Variants in PRR5L observed in about 807,000 individuals in gnomAD.
PRR5L encodes the protein proline-rich protein 5-like.
Under a neutral mutation model 36.4 loss-of-function variants are expected in PRR5L, and 21 were observed. That is an observed-to-expected ratio of 0.58 (90% CI 0.41 to 0.83). PRR5L has a LOEUF of 0.83. PRR5L is among the 40% of genes least tolerant of loss of function. The pLI is 0.00. For missense variants in PRR5L, 381 were observed against 473.3 expected, an observed-to-expected ratio of 0.80 and a Z score of 1.81; for synonymous variants, 188 against 197.0, an observed-to-expected ratio of 0.95 and a Z score of 0.38.
intron 1 of PRR5L, among the ~76,000 whole-genome samples, chr11:36,345,228 C>T (rs564130491): frequency 6.6e-5 from 10 of 152,110 alleles, no homozygotes; most frequent in African/African-American, 2.2e-4. Context: ...GAAGGGGGCA[C>T]GTGACTGCCA....
chr11:36,307,325 G>C (rs1234875236), intron 1 of PRR5L, among the ~76,000 whole-genome samples: 1 of 152,152 alleles, frequency 6.6e-6, no homozygotes, highest in Non-Finnish European at 1.5e-5. Flanking sequence ...TTACTCAAAG[G>C]CAGACTGCTA....
intron 1 of PRR5L, among the ~76,000 whole-genome samples, chr11:36,297,898 A>C (rs1456113389): frequency 2.0e-5 from 3 of 152,150 alleles, no homozygotes; most frequent in Non-Finnish European, 4.4e-5. Flanking sequence ...GGCAGGGGGA[A>C]GGGGAAAAGA....
At chr11:36,451,501 C>T (rs1456841762) in intron 8 of PRR5L, among the ~76,000 whole-genome samples, 166 bp downstream of exon 8, 3 of 152,240 alleles carry the variant, frequency 2.0e-5, no homozygotes, top group African/African-American at 4.8e-5. Flanking sequence ...TAAGCACTCA[C>T]ATTCCTGGCC....
At chr11:36,340,459 A>C (rs892694639) in intron 1 of PRR5L, among the ~76,000 whole-genome samples, 2 of 152,230 alleles carry the variant, frequency 1.3e-5, no homozygotes, top group African/African-American at 2.4e-5. Flanking sequence ...GCGCATGCAT[A>C]TAACACTATG....
chr11:36,393,771 T>G (rs1032236619), intron 1 of PRR5L: 3 of 152,256 alleles, frequency 2.0e-5, no homozygotes, highest in African/African-American at 7.2e-5. Context: ...TTAGATAGTA[T>G]GGACATTTTA....
intron 1 of PRR5L, among the ~76,000 whole-genome samples, chr11:36,322,804 A>G (rs1463523976): frequency 6.6e-6 from 1 of 152,158 alleles, no homozygotes; most frequent in Non-Finnish European, 1.5e-5. Flanking sequence ...TATGAATGTG[A>G]CCTTATTTGG....
chr11:36,327,646 A>T (rs1475018038), intron 1 of PRR5L, among the ~76,000 whole-genome samples: 2 of 152,192 alleles, frequency 1.3e-5, no homozygotes, highest in South Asian at 4.1e-4. Context: ...AATAGAAATC[A>T]CTGGTCATCT....
intron 3 of PRR5L, among the ~76,000 whole-genome samples, chr11:36,405,859 G>T (rs1365302677): frequency 2.0e-5 from 3 of 152,116 alleles, no homozygotes; most frequent in Admixed American, 2.0e-4. Context: ...GTACTTGATG[G>T]GGAGAGAGAG....
chr11:36,350,294 A>AGT (rs574950893), intron 1 of PRR5L, among the ~76,000 whole-genome samples: 1 of 138,402 alleles, frequency 7.2e-6, no homozygotes, highest in African/African-American at 2.7e-5. Context: ...TGAATGTGAG[A>AGT]GTGTGTGTGG....
intron 1 of PRR5L, among the ~76,000 whole-genome samples, chr11:36,397,164 T>C (rs1857679962): frequency 6.7e-6 from 1 of 149,460 alleles, no homozygotes; most frequent in Admixed American, 6.8e-5. Flanking sequence ...GCCTCCTGGG[T>C]TCAAGCGATT....
At chr11:36,350,954 A>ATATATTTATGTATATTTATATATT (rs1323895906) in intron 1 of PRR5L, among the ~76,000 whole-genome samples, 8 of 13,994 alleles carry the variant, frequency 5.7e-4, no homozygotes, top group African/African-American at 1.7e-3. Context: ...ATATATATTT[A>ATATATTTATGTATATTTATATATT]TATATATTTA....
At chr11:36,373,115 A>C (rs1383927098) in intron 1 of PRR5L, among the ~76,000 whole-genome samples, 1 of 152,042 alleles carries the variant, frequency 6.6e-6, no homozygotes, top group East Asian at 1.9e-4. Context: ...GCCCACCCTT[A>C]GTCTTAAAGG....
chr11:36,361,820 T>C (rs924584153), intron 1 of PRR5L, among the ~76,000 whole-genome samples: 1 of 152,186 alleles, frequency 6.6e-6, no homozygotes, highest in Non-Finnish European at 1.5e-5. Context: ...GGTTCTAGGT[T>C]ATATCTAACT....
intron 8 of PRR5L, among the ~76,000 whole-genome samples, chr11:36,457,335 A>T (rs1859081947): frequency 6.6e-6 from 1 of 152,190 alleles, no homozygotes. Context: ...GGCCGGGCAC[A>T]GTGGCTCATG....
intron 1 of PRR5L, among the ~76,000 whole-genome samples, chr11:36,335,035 C>T (rs1321424053): frequency 6.6e-6 from 1 of 152,144 alleles, no homozygotes; most frequent in Non-Finnish European, 1.5e-5. Flanking sequence ...ATCATTTGAT[C>T]TGTACCACCA....
At chr11:36,400,303 T>G (rs1857763631) in intron 1 of PRR5L, among the ~76,000 whole-genome samples, 1 of 152,182 alleles carries the variant, frequency 6.6e-6, no homozygotes, top group Non-Finnish European at 1.5e-5. Context: ...TGGCTATGCA[T>G]AGTAGCTGCT....
intron 1 of PRR5L, among the ~76,000 whole-genome samples, chr11:36,356,758 G>A (rs1857032318): frequency 6.6e-6 from 1 of 152,174 alleles, no homozygotes; most frequent in South Asian, 2.1e-4. Context: ...ACTGTTATAT[G>A]CATTCTGATT....
At chr11:36,457,075 C>T (rs1232694686) in intron 8 of PRR5L, among the ~76,000 whole-genome samples, 2 of 152,182 alleles carry the variant, frequency 1.3e-5, no homozygotes, top group African/African-American at 4.8e-5. Flanking sequence ...AGACACCTTT[C>T]CCTGGCTCAT....
intron 6 of PRR5L, among the ~76,000 whole-genome samples, chr11:36,440,207 G>A (rs1337239412): frequency 2.0e-5 from 3 of 152,138 alleles, no homozygotes; most frequent in African/African-American, 4.8e-5. Context: ...GGGAACCAGC[G>A]AGGAGTTCTG....
Sources: gnomAD v4.1 joint callset for allele counts (sites outside exome capture counted in the v4.1 genomes callset) on GRCh38, gnomAD v4.1.1 for gene constraint, MANE v1.5 for transcripts, NCBI Gene and HGNC (gene_info 2026-07-23, HGNC 2026-07-21) for gene names.